RARB: variants seen among roughly 807,000 people sequenced by gnomAD.
RARB encodes the protein HBV-activated protein.
Under a neutral mutation model 51.9 loss-of-function variants are expected in RARB, and 17 were observed. The observed-to-expected ratio is 0.33, with a 90% CI of 0.22 to 0.49. RARB has a LOEUF of 0.49. Ranked by LOEUF, RARB falls within the 20% of genes least tolerant of loss-of-function variation. The probability of loss-of-function intolerance (pLI) is 0.99; values close to 1 mark genes in which losing one functional copy is unlikely to be tolerated. For missense variants in RARB, 369 were observed against 550.8 expected (o/e 0.67, Z 3.30); for synonymous variants, 215 against 195.4 (o/e 1.10, Z -0.84).
At chr3:25,006,745 CTG>C (rs1221248997) in intron 2 of RARB, among the ~76,000 whole-genome samples, 3 of 152,150 alleles carry the variant, frequency 2.0e-5, no homozygotes, top group Non-Finnish European at 4.4e-5. Flanking sequence ...TGAATCCACT[CTG>C]TTCCTCTAGT....
At chr3:25,293,716 A>C (rs80049233) in intron 5 of RARB, among the ~76,000 whole-genome samples, 8,512 of 151,756 alleles carry the variant, frequency 0.056, 391 homozygotes, top group South Asian at 0.22. Flanking sequence ...CGTCTGATTA[A>C]ATGGAAATGT....
At chr3:24,919,886 T>G (rs192483634) in intron 2 of RARB, among the ~76,000 whole-genome samples, 1 of 152,148 alleles carries the variant, frequency 6.6e-6, no homozygotes, top group Admixed American at 6.5e-5. Context: ...TTGATACAAT[T>G]GTGTACAAAA....
chr3:25,121,753 G>A (rs1699785785), intron 3 of RARB, among the ~76,000 whole-genome samples: 1 of 152,006 alleles, frequency 6.6e-6, no homozygotes, highest in South Asian at 2.1e-4. Flanking sequence ...AATAATTTAT[G>A]TTTTTTAAAT....
At chr3:25,528,804 C>G (rs1175668467) in intron 3 of RARB, among the ~76,000 whole-genome samples, 1 of 152,040 alleles carries the variant, frequency 6.6e-6, no homozygotes, top group African/African-American at 2.4e-5. Flanking sequence ...TCTGATGTGT[C>G]CACTTTCAGA....
At chr3:25,201,434 C>A (rs1274234801) in intron 5 of RARB, among the ~76,000 whole-genome samples, 1 of 152,130 alleles carries the variant, frequency 6.6e-6, no homozygotes, top group Admixed American at 6.5e-5. Flanking sequence ...CCTTCTCCTG[C>A]CTGATTGCCC....
chr3:25,340,572 T>C (rs144167494), intron 5 of RARB, among the ~76,000 whole-genome samples: 1 of 152,338 alleles, frequency 6.6e-6, no homozygotes, highest in African/African-American at 2.4e-5. Context: ...AAACAAAACA[T>C]TACTTAGAAG....
At chr3:25,210,945 A>G (rs1227852478) in intron 5 of RARB, among the ~76,000 whole-genome samples, 1 of 152,052 alleles carries the variant, frequency 6.6e-6, no homozygotes, top group Non-Finnish European at 1.5e-5. Flanking sequence ...TCTGGTCCAG[A>G]CACTTATTTG....
intron 5 of RARB, among the ~76,000 whole-genome samples, chr3:25,288,167 G>A (rs1181823511): frequency 6.6e-6 from 1 of 152,182 alleles, no homozygotes; most frequent in East Asian, 1.9e-4. Flanking sequence ...ACAGGGAATT[G>A]TCCAGGGTAG....
intron 5 of RARB, among the ~76,000 whole-genome samples, chr3:25,378,852 A>G (rs1236343482): frequency 6.6e-6 from 1 of 152,244 alleles, no homozygotes; most frequent in African/African-American, 2.4e-5. Context: ...TTCATAAAGA[A>G]GCTATCAGGG....
chr3:25,277,152 C>G (rs895371256), intron 5 of RARB, among the ~76,000 whole-genome samples: 1 of 152,166 alleles, frequency 6.6e-6, no homozygotes, highest in Non-Finnish European at 1.5e-5. Flanking sequence ...CTCAAACCTT[C>G]AAGGCATGAT....
intron 5 of RARB, among the ~76,000 whole-genome samples, chr3:25,366,991 G>C (rs1706141067): frequency 6.6e-6 from 1 of 152,038 alleles, no homozygotes; most frequent in South Asian, 2.1e-4. Context: ...ATTGAAGAAA[G>C]GAGAGGAAAG....
chr3:25,082,863 T>G (rs1050683567), intron 3 of RARB, among the ~76,000 whole-genome samples: 1 of 152,134 alleles, frequency 6.6e-6, no homozygotes, highest in African/African-American at 2.4e-5. Context: ...CTTCTGGTGC[T>G]GAAGTCTAAA....
intron 5 of RARB, among the ~76,000 whole-genome samples, chr3:25,410,926 A>G (rs915636512): frequency 2.6e-5 from 4 of 152,238 alleles, no homozygotes; most frequent in African/African-American, 7.2e-5. Context: ...GTCAGCCTGT[A>G]TTTGACATAA....
intron 2 of RARB, among the ~76,000 whole-genome samples, chr3:25,483,754 C>G (rs1225894458): frequency 6.6e-6 from 1 of 152,100 alleles, no homozygotes; most frequent in African/African-American, 2.4e-5. Flanking sequence ...TGTGTTCATT[C>G]TCCATGTTAG....
At position 24,832,628 on chromosome 3, in the gene RARB, A is replaced by ATATATATATATATATATATAT. The variant is rs1559366440; in HGVS notation, c.-459+3225_-459+3226insTATATATATATATATATATAT. On this transcript the variant is annotated intron_variant, in intron 1 of 11. Transcript: ENST00000383772. ...CTGTATTTAGAAAAAATTGAGTCCC[A>ATATATATATATATATATATAT]ATATATATATATATATATATATAAT... 6.3e-3 allele frequency among the ~76,000 whole-genome samples: 556 copies of ATATATATATATATATATATAT among 88,364 alleles called. 14 individuals are homozygous for ATATATATATATATATATATAT. The highest frequency in any genetic ancestry group is 0.013 in the South Asian group (28 of 2,234). The allele number at this position is 88,364 out of a possible 152,430, so 58.0% of individuals were successfully genotyped here.
intron 4 of RARB, among the ~76,000 whole-genome samples, chr3:25,576,709 C>A (rs1008157168): frequency 6.6e-6 from 1 of 152,182 alleles, no homozygotes; most frequent in Admixed American, 6.5e-5. Flanking sequence ...TCTCCCATTG[C>A]CCTTTGCTCG....
At chr3:25,524,139 C>T (rs896955815) in intron 3 of RARB, among the ~76,000 whole-genome samples, 2 of 152,130 alleles carry the variant, frequency 1.3e-5, no homozygotes, top group African/African-American at 2.4e-5. Context: ...CATTTGAAAT[C>T]AGAACTGCTA....
At chr3:25,287,308 C>T (rs1703680142) in intron 5 of RARB, among the ~76,000 whole-genome samples, 1 of 152,190 alleles carries the variant, frequency 6.6e-6, no homozygotes, top group Non-Finnish European at 1.5e-5. Flanking sequence ...CCCTTACACT[C>T]TGCATTCCAG....
At chr3:24,947,293 C>T (rs772152225) in intron 2 of RARB, among the ~76,000 whole-genome samples, 15 of 152,280 alleles carry the variant, frequency 9.9e-5, no homozygotes, top group South Asian at 4.1e-4. Context: ...TCTTCCTTTA[C>T]GATGACATCA....
Sources: gnomAD v4.1 joint callset for allele counts (sites outside exome capture counted in the v4.1 genomes callset) on GRCh38, gnomAD v4.1.1 for gene constraint, MANE v1.5 for transcripts, NCBI Gene and HGNC (gene_info 2026-07-23, HGNC 2026-07-21) for gene names.